The following PPM1F variants were observed in gnomAD, a reference collection of about 807,000 sequenced individuals.
The protein encoded by PPM1F is protein phosphatase 1F.
Under a neutral mutation model 35.5 loss-of-function variants are expected in PPM1F, and 17 were observed. The observed-to-expected ratio is 0.48, with a 90% CI of 0.33 to 0.72. PPM1F has a LOEUF of 0.72. Among genes scored for constraint, PPM1F ranks in the 30% least tolerant of loss-of-function variants. The probability of loss-of-function intolerance (pLI) is 0.02; values close to 1 mark genes in which losing one functional copy is unlikely to be tolerated. For missense variants in PPM1F, 521 were observed against 613.0 expected, an observed-to-expected ratio of 0.85 and a Z score of 1.59; for synonymous variants, 241 against 255.5, an observed-to-expected ratio of 0.94 and a Z score of 0.54.
Position 21,938,488 on chromosome 22 carries a change from C to T in PPM1F, c.355+1044G>A, listed in dbSNP as rs1454204276. 8 of 1,100,126 alleles carry T rather than the reference C, an allele frequency of 7.3e-6. No homozygotes were observed. The East Asian group carries it at 2.9e-4, about 40-fold the overall frequency. 68.1% of individuals were successfully genotyped at this position (1,100,126 alleles called of 1,614,324 possible). On this transcript the variant is annotated intron_variant, in intron 3 of 7. Coordinates refer to ENST00000263212, the MANE Select transcript of PPM1F (RefSeq NM_014634.4). ...GAGCGCGGGCACCCACTGATGCTGG[C>T]GGCCTCGGGTATTCGCTTTCTCTCT...
intron 1 of PPM1F, chr22:21,948,428 A>G (rs1424779664): frequency 6.6e-6 from 1 of 152,230 alleles, no homozygotes; most frequent in Non-Finnish European, 1.5e-5. Flanking sequence ...TGTGAGCTGG[A>G]GAAATGAGCA....
Position 21,927,314 on chromosome 22 carries a change from C to T in PPM1F, c.892-1652G>A, listed in dbSNP as rs200394808. Among the ~76,000 whole-genome samples the T allele has an allele frequency of 6.4e-4, 98 of 152,336 alleles. 1 individual carries two copies. The East Asian group carries it at 6.8e-3, about 11-fold the overall frequency. The stretch of plus-strand genomic sequence containing the variant: ...TCACACATACATGTGCCCACACACA[C>T]GCGTGAAGGCGCCTGCAGACGGCGA... On this transcript the variant is annotated intron_variant, in intron 6 of 7. Transcript: ENST00000263212.
At chr22:21,952,475 C>A (rs2070850304) in intron 1 of PPM1F, 1 of 152,026 alleles carries the variant, frequency 6.6e-6, no homozygotes, top group Non-Finnish European at 1.5e-5. Flanking sequence ...CCCTCGGTCC[C>A]TACCAGGCCC....
chr22:21,932,077 C>G (rs953430870), intron 5 of PPM1F, among the ~76,000 whole-genome samples: 34 of 152,076 alleles, frequency 2.2e-4, no homozygotes, highest in Admixed American at 6.5e-4. Context: ...CTCAGCCTCC[C>G]AAAGTGCTGG....
chr22:21,932,691 A>T (rs1354926129), intron 5 of PPM1F: 2 of 152,222 alleles, frequency 1.3e-5, no homozygotes, highest in African/African-American at 4.8e-5. Flanking sequence ...TTCTTTCAGA[A>T]ACAAATGCCT....
intron 6 of PPM1F, among the ~76,000 whole-genome samples, chr22:21,930,041 A>G (rs2070570283): frequency 6.6e-6 from 1 of 152,254 alleles, no homozygotes; most frequent in Non-Finnish European, 1.5e-5. Flanking sequence ...CAAGGAACCT[A>G]TAAACTGATA....
chr22:21,934,588 T>C (rs894336295), intron 3 of PPM1F: 23 of 205,254 alleles, frequency 1.1e-4, no homozygotes, highest in African/African-American at 4.5e-4. Flanking sequence ...AATACTTAAA[T>C]TATGATCTAG....
intron 4 of PPM1F, 116 bp from the exon 5 acceptor site, chr22:21,933,695 G>A (rs529918768): frequency 2.1e-6 from 2 of 954,474 alleles, no homozygotes; most frequent in Non-Finnish European, 1.6e-6. Flanking sequence ...CCTTCGCCCG[G>A]CTTATGTGCG....
Position 21,934,143 on chromosome 22 carries a change from C to T in PPM1F, c.439G>A (p.Ala147Thr). 6.3e-7 allele frequency: 1 copy of T among 1,575,728 alleles called. No homozygotes were observed. The highest frequency in any genetic ancestry group is 8.6e-7 in the Non-Finnish European group (1 of 1,160,716). ...CACTGCCGCTGTGAGGCCCGGGCAG[C>T]CAATGGCACCTGCTTCTGCCACTGG... is the stretch of plus-strand genomic sequence containing the variant. ...AGQWQKQVPL[A>T]ARASQRQWLV... The change falls in exon 4 of 8, where the codon GCT (alanine) becomes ACT (threonine). Residue 147 changes from alanine to threonine, a missense_variant. By Grantham distance (58) the Ala-to-Thr change is moderately conservative. Around this residue, in one of 3 missense-constraint regions of PPM1F, gnomAD observed 311 missense variants for 351.5 expected, o/e 0.88. Coordinates refer to ENST00000263212, the MANE Select transcript of PPM1F (RefSeq NM_014634.4).
At chr22:21,931,644 C>G (rs1387487237) in intron 5 of PPM1F, among the ~76,000 whole-genome samples, 1 of 151,960 alleles carries the variant, frequency 6.6e-6, no homozygotes, top group Non-Finnish European at 1.5e-5. Flanking sequence ...TCCCAAGTAG[C>G]TAAGATTACA....
Position 21,945,961 on chromosome 22 carries a change from A to G in PPM1F, c.88T>C (p.Phe30Leu), listed in dbSNP as rs1292700838. 2 of 1,611,908 alleles carry G rather than the reference A, an allele frequency of 1.2e-6. No homozygotes were observed. Among genetic ancestry groups the G allele is most frequent in the Non-Finnish European group, 1.7e-6 (2 of 1,178,884 alleles). ...TCCTCTGGGTTCAGCAGGGCTGGGA[A>G]GTCTTGCAGGAGCGTGTCCAGGAAG... ...PGFLDTLLQD[F>L]PALLNPEDPL... The change falls in exon 2 of 8, where the codon TTC (phenylalanine) becomes CTC (leucine). Residue 30 changes from phenylalanine to leucine, a missense_variant. By Grantham distance (22) the Phe-to-Leu change is conservative. Transcript: ENST00000263212.
chr22:21,941,552 G>C (rs1172967413), intron 2 of PPM1F: 2 of 152,338 alleles, frequency 1.3e-5, no homozygotes, highest in African/African-American at 4.8e-5. Flanking sequence ...AGAGGCCTGA[G>C]GGCCTGCAAG....
chr22:21,940,116 T>C, intron 2 of PPM1F, among the ~76,000 whole-genome samples: 1 of 151,832 alleles, frequency 6.6e-6, no homozygotes, highest in East Asian at 1.9e-4. Context: ...CAGATGGAAT[T>C]AGTTAAGATG....
At chr22:21,942,751 C>T (rs1410485254) in intron 2 of PPM1F, 2 of 152,410 alleles carry the variant, frequency 1.3e-5, no homozygotes, top group African/African-American at 2.4e-5. Flanking sequence ...CCCGCCTCAT[C>T]CCAGGGTCTG....
intron 6 of PPM1F, chr22:21,926,132 C>CTT (rs917204354): frequency 0.13 from 16,520 of 131,380 alleles, 1,326 homozygotes; most frequent in Non-Finnish European, 0.16. Context: ...CCGCCCAGTT[C>CTT]TTTTTTTTTT....
chr22:21,921,499 T>C lies in PPM1F; in HGVS notation c.*1593A>G, dbSNP rs2070447554. On this transcript the variant is annotated 3_prime_UTR_variant, in exon 8 of 8. Transcript: ENST00000263212. ...CCCCCAGCCTTGCCACTTTCAACTT[T>C]GCACGCCCTCAGTGAGCTCCCTGAG... The C allele has an allele frequency of 6.6e-6, 1 of 152,564 alleles. No individual in the cohort carries two copies. The highest frequency in any genetic ancestry group is 1.5e-5 in the Non-Finnish European group (1 of 68,312). The allele number at this position is 152,564 out of a possible 1,614,324, so 9.5% of individuals were successfully genotyped here.
chr22:21,931,785 T>C (rs1355421281), intron 5 of PPM1F, among the ~76,000 whole-genome samples: 2 of 151,846 alleles, frequency 1.3e-5, no homozygotes, highest in African/African-American at 4.8e-5. Context: ...CCCAAAGTGC[T>C]AGGATTACAG....
intron 2 of PPM1F, chr22:21,944,332 A>G (rs1001729436): frequency 6.6e-6 from 1 of 152,230 alleles, no homozygotes; most frequent in Admixed American, 6.5e-5. Flanking sequence ...GTTTGTGCCC[A>G]TGTTGCACAG....
At chr22:21,944,032 C>G (rs1312184035) in intron 2 of PPM1F, 1 of 152,396 alleles carries the variant, frequency 6.6e-6, no homozygotes, top group African/African-American at 2.4e-5. Flanking sequence ...GGTCTGGACT[C>G]CCCTGCTCCC....
Sources: gnomAD v4.1 joint callset for allele counts (sites outside exome capture counted in the v4.1 genomes callset) on GRCh38, gnomAD v4.1.1 for gene constraint, gnomAD v4.1.1 regional missense constraint, MANE v1.5 for transcripts, NCBI Gene and HGNC (gene_info 2026-07-23, HGNC 2026-07-21) for gene names.